The following CAMTA1 variants were observed in gnomAD, a reference collection of about 807,000 sequenced individuals.
CAMTA1 encodes calmodulin-binding transcription activator 1.
CAMTA1 carries 27 observed loss-of-function variants against 170.9 expected under a neutral mutation model. That is an observed-to-expected ratio of 0.16 (90% CI 0.12 to 0.22). CAMTA1 has a LOEUF of 0.22. Ranked by LOEUF, CAMTA1 falls within the 10% of genes least tolerant of loss-of-function variation. The pLI is 1.00. For synonymous variants in CAMTA1, 833 were observed against 891.5 expected (o/e 0.93, Z 1.17); for missense variants, 1,619 against 2,217.2 (o/e 0.73, Z 5.42).
intron 5 of CAMTA1, among the ~76,000 whole-genome samples, chr1:7,254,525 C>T (rs535397207): frequency 9.5e-4 from 144 of 152,298 alleles, no homozygotes; most frequent in African/African-American, 3.4e-3. Context: ...CTGTAAACAA[C>T]GAAGAGTTTC....
At chr1:7,141,842 T>C (rs1392070558) in intron 4 of CAMTA1, among the ~76,000 whole-genome samples, 2 of 152,304 alleles carry the variant, frequency 1.3e-5, no homozygotes, top group East Asian at 1.9e-4. Flanking sequence ...CGAAGGCCTA[T>C]TGACTGGTCA....
chr1:7,012,481 C>T (rs1188711862), intron 3 of CAMTA1, among the ~76,000 whole-genome samples: 2 of 152,160 alleles, frequency 1.3e-5, no homozygotes, highest in African/African-American at 2.4e-5. Flanking sequence ...GCCACGATTT[C>T]TCCCATCTTA....
At chr1:7,380,683 A>G (rs550925221) in intron 5 of CAMTA1, among the ~76,000 whole-genome samples, 2 of 152,386 alleles carry the variant, frequency 1.3e-5, no homozygotes, top group Admixed American at 1.3e-4. Context: ...AGAATGTGGC[A>G]TAAATACAGT....
Position 7,456,191 on chromosome 1 carries a change from A to C in CAMTA1, c.439-11639A>C, listed in dbSNP as rs371958127. On this transcript the variant is annotated intron_variant, in intron 5 of 22. Transcript: ENST00000303635. The surrounding 1 kb of genome is among the most constrained non-coding windows in gnomAD (Gnocchi z 4.9). The stretch of plus-strand genomic sequence containing the variant: ...GGAGGGAGATGGAAGGGAGGGAGGA[A>C]AAATGGGAGGGAGGGAGGAAGAATG... Among the ~76,000 whole-genome samples the C allele has an allele frequency of 4.0e-5, 6 of 148,504 alleles. No homozygotes were observed. The East Asian group carries it at 1.2e-3, about 31-fold the overall frequency.
At chr1:7,256,751 G>A (rs1356584472) in intron 5 of CAMTA1, among the ~76,000 whole-genome samples, 1 of 152,188 alleles carries the variant, frequency 6.6e-6, no homozygotes, top group Non-Finnish European at 1.5e-5. Context: ...TAGAGGCTGG[G>A]AAGTTTAGGA....
At chr1:7,745,481 G>A (rs1018343222) in intron 17 of CAMTA1, among the ~76,000 whole-genome samples, 5 of 152,068 alleles carry the variant, frequency 3.3e-5, no homozygotes, top group Non-Finnish European at 1.5e-5. Context: ...AGCTGAGATT[G>A]CACCACTGCA....
At chr1:7,500,276 GTGCA>G (rs1557826281) in intron 6 of CAMTA1, among the ~76,000 whole-genome samples, 6 of 143,818 alleles carry the variant, frequency 4.2e-5, no homozygotes, top group East Asian at 2.2e-4. Context: ...CCTGGTGTGC[GTGCA>G]TATGTATATG....
intron 5 of CAMTA1, among the ~76,000 whole-genome samples, chr1:7,459,002 C>T (rs1228747008): frequency 6.6e-6 from 1 of 152,222 alleles, no homozygotes; most frequent in East Asian, 1.9e-4. Context: ...TAGATTAATA[C>T]AAACCAAATC....
intron 4 of CAMTA1, among the ~76,000 whole-genome samples, chr1:7,246,569 C>G (rs934904047): frequency 2.7e-4 from 41 of 152,118 alleles, no homozygotes; most frequent in African/African-American, 9.6e-4. Context: ...AAAGCCCTCC[C>G]CTGACTGGGC....
chr1:7,024,687 G>A (rs1701806232), intron 3 of CAMTA1, among the ~76,000 whole-genome samples: 1 of 152,168 alleles, frequency 6.6e-6, no homozygotes, highest in African/African-American at 2.4e-5. Flanking sequence ...CATGGGCTGT[G>A]GGCCTGGGAT....
chr1:7,705,756 C>T (rs551629600), intron 11 of CAMTA1, among the ~76,000 whole-genome samples: 1 of 152,306 alleles, frequency 6.6e-6, no homozygotes, highest in Non-Finnish European at 1.5e-5. Flanking sequence ...CTGTCTCTAA[C>T]TACAGACCAG....
At chr1:7,500,789 A>G (rs2093993436) in intron 6 of CAMTA1, among the ~76,000 whole-genome samples, 1 of 152,012 alleles carries the variant, frequency 6.6e-6, no homozygotes, top group East Asian at 1.9e-4. Context: ...AGAAGGGAGC[A>G]GAACCTCTTT....
chr1:7,247,694 G>A (rs1666027154), intron 4 of CAMTA1, among the ~76,000 whole-genome samples: 1 of 152,136 alleles, frequency 6.6e-6, no homozygotes, highest in Non-Finnish European at 1.5e-5. Flanking sequence ...AGCACAGTCC[G>A]TGGACCTCAG....
chr1:7,217,532 TATA>T (rs1659970297), intron 4 of CAMTA1, among the ~76,000 whole-genome samples: 1 of 152,192 alleles, frequency 6.6e-6, no homozygotes, highest in Non-Finnish European at 1.5e-5. Flanking sequence ...GTCCAATATG[TATA>T]ATATCTTATA....
chr1:7,420,678 C>A (rs1486998964), intron 5 of CAMTA1, among the ~76,000 whole-genome samples: 3 of 152,156 alleles, frequency 2.0e-5, no homozygotes, highest in Non-Finnish European at 2.9e-5. Flanking sequence ...TGCGTATAAC[C>A]TCCCAGTCCA....
intron 6 of CAMTA1, among the ~76,000 whole-genome samples, chr1:7,604,711 C>T (rs144439847): frequency 0.11 from 16,784 of 152,192 alleles, 1,095 homozygotes; most frequent in Non-Finnish European, 0.13. Flanking sequence ...AGCTTTGTTC[C>T]GTTGCTGGTG....
chr1:7,642,042 C>T lies in CAMTA1; in HGVS notation c.664+1489C>T, dbSNP rs149469616. ...GAGCCTGCTGCCTCTCCACCTGCCC[C>T]TCTCCCTGGCTCTGCCTGCTCACCC... On this transcript the variant is annotated intron_variant, in intron 7 of 22. Coordinates refer to ENST00000303635, the MANE Select transcript of CAMTA1 (RefSeq NM_015215.4). The surrounding 1 kb of genome is among the most constrained non-coding windows in gnomAD (Gnocchi z 6.3). Among the ~76,000 whole-genome samples the T allele has an allele frequency of 2.4e-4, 36 of 152,138 alleles. No individual in the cohort carries two copies. Among genetic ancestry groups the T allele is most frequent in the Non-Finnish European group, 5.1e-4 (35 of 67,986 alleles).
Position 7,634,966 on chromosome 1 carries a change from C to T in CAMTA1, c.511-5434C>T, listed in dbSNP as rs114480968. On this transcript the variant is annotated intron_variant, in intron 6 of 22. Transcript: ENST00000303635. This position sits in a 1 kb window ranked among gnomAD's most constrained non-coding sequence, Gnocchi z 6.2. The stretch of plus-strand genomic sequence containing the variant: ...CACCAAGAGGGAGGAGGGATCCCCT[C>T]GTCCACGGCTCTTCCAGAAGGCTGT... Among the ~76,000 whole-genome samples, 1,595 of 152,274 alleles carry T rather than the reference C, an allele frequency of 0.01. 12 individuals are homozygous for T. Among genetic ancestry groups the T allele is most frequent in the Non-Finnish European group, 0.017 (1,126 of 68,008 alleles).
At chr1:6,872,212 A>G (rs1393438595) in intron 3 of CAMTA1, among the ~76,000 whole-genome samples, 1 of 151,066 alleles carries the variant, frequency 6.6e-6, no homozygotes, top group Non-Finnish European at 1.5e-5. Flanking sequence ...CCCTCACCTT[A>G]TCACACATAC....
Sources: gnomAD v4.1 joint callset for allele counts (sites outside exome capture counted in the v4.1 genomes callset) on GRCh38, gnomAD v4.1.1 for gene constraint, Gnocchi (gnomAD v3.1) non-coding constraint, MANE v1.5 for transcripts, NCBI Gene and HGNC (gene_info 2026-07-23, HGNC 2026-07-21) for gene names.